The following KCNIP4 variants were observed in gnomAD, a reference collection of about 807,000 sequenced individuals.
KCNIP4 encodes potassium voltage-gated channel interacting protein 4, also known as Kv channel-interacting protein 4.
In KCNIP4, 12 loss-of-function variants were observed where a neutral mutation model predicts 34.0. The ratio of observed to expected loss-of-function variants is 0.35; its 90% CI spans 0.23 to 0.57. The LOEUF is 0.57. Ranked by LOEUF, KCNIP4 falls within the 20% of genes least tolerant of loss-of-function variation. KCNIP4 has a pLI of 0.83. For synonymous variants in KCNIP4, 124 were observed against 102.2 expected (o/e 1.21, Z -1.29); for missense variants, 238 against 311.7 (o/e 0.76, Z 1.78).
chr4:21,852,624 C>A (rs962341022), intron 1 of KCNIP4: 2 of 151,830 alleles, frequency 1.3e-5, no homozygotes, highest in African/African-American at 4.8e-5. Flanking sequence ...GCAGAGAATA[C>A]CAAGTCCTAT....
intron 1 of KCNIP4, among the ~76,000 whole-genome samples, chr4:21,828,861 T>G (rs1722819565): frequency 6.6e-6 from 1 of 151,924 alleles, no homozygotes; most frequent in Admixed American, 6.6e-5. Flanking sequence ...AACAAATATT[T>G]TTAAGGCTGA....
intron 1 of KCNIP4, among the ~76,000 whole-genome samples, chr4:21,089,753 T>A (rs146017052): frequency 6.6e-6 from 1 of 152,264 alleles, no homozygotes; most frequent in East Asian, 1.9e-4. Flanking sequence ...CTTCCTTGTA[T>A]TCTCCTAACT....
chr4:20,966,770 G>A (rs998408168), intron 1 of KCNIP4, among the ~76,000 whole-genome samples: 2 of 152,148 alleles, frequency 1.3e-5, no homozygotes, highest in Non-Finnish European at 2.9e-5. Flanking sequence ...AGTTATGTAT[G>A]AAGAAGTCAC....
chr4:21,648,821 T>C (rs1453840208), intron 1 of KCNIP4, among the ~76,000 whole-genome samples: 1 of 152,134 alleles, frequency 6.6e-6, no homozygotes, highest in East Asian at 1.9e-4. Context: ...CATAATCTAG[T>C]AGAGGCCCCG....
intron 1 of KCNIP4, among the ~76,000 whole-genome samples, chr4:21,512,299 A>C (rs1734407253): frequency 6.6e-6 from 1 of 152,196 alleles, no homozygotes; most frequent in Non-Finnish European, 1.5e-5. Flanking sequence ...TTTTGAACTG[A>C]GTTCATTACC....
chr4:21,682,920 T>C (rs917670199), intron 1 of KCNIP4, among the ~76,000 whole-genome samples: 1 of 152,148 alleles, frequency 6.6e-6, no homozygotes, highest in Non-Finnish European at 1.5e-5. Flanking sequence ...GATATAATGA[T>C]AATGAAAAAC....
At chr4:21,277,940 A>C (rs1269777235) in intron 1 of KCNIP4, among the ~76,000 whole-genome samples, 1 of 152,212 alleles carries the variant, frequency 6.6e-6, no homozygotes, top group African/African-American at 2.4e-5. Flanking sequence ...TTAGATGAAA[A>C]GAATGGCGTT....
intron 1 of KCNIP4, 133 bp downstream of exon 1, chr4:21,948,438 C>G (rs1056283592): frequency 6.1e-6 from 6 of 988,030 alleles, no homozygotes; most frequent in Middle Eastern, 6.6e-4. Context: ...TTCCCAGTCC[C>G]GCCAGGTGAC....
At chr4:21,488,132 T>C (rs1732079843) in intron 1 of KCNIP4, among the ~76,000 whole-genome samples, 1 of 152,202 alleles carries the variant, frequency 6.6e-6, no homozygotes, top group Non-Finnish European at 1.5e-5. Flanking sequence ...CCTATATCTA[T>C]AGATATTTCT....
intron 1 of KCNIP4, among the ~76,000 whole-genome samples, chr4:21,326,576 A>AT (rs975651342): frequency 4.1e-5 from 6 of 147,470 alleles, no homozygotes; most frequent in East Asian, 2.0e-4. Flanking sequence ...TGTTTATTTT[A>AT]TTTTTTTTAA....
At chr4:20,917,523 G>C (rs1728969184) in intron 1 of KCNIP4, among the ~76,000 whole-genome samples, 1 of 152,136 alleles carries the variant, frequency 6.6e-6, no homozygotes, top group East Asian at 1.9e-4. Flanking sequence ...TAGCAAAAGT[G>C]GGTACCTCAT....
chr4:21,839,451 C>G (rs142838329), intron 1 of KCNIP4, among the ~76,000 whole-genome samples: 335 of 152,262 alleles, frequency 2.2e-3, no homozygotes, highest in Non-Finnish European at 2.6e-3. Context: ...CTTCCCCCAT[C>G]TTTCCTAGAA....
At chr4:21,852,279 T>C (rs185411760) in intron 1 of KCNIP4, 7 of 152,260 alleles carry the variant, frequency 4.6e-5, no homozygotes, top group Middle Eastern at 3.4e-3. Flanking sequence ...ATAAGCTTTG[T>C]CCTCATTGAG....
chr4:21,623,144 A>C (rs1254440090), intron 1 of KCNIP4, among the ~76,000 whole-genome samples: 1 of 152,184 alleles, frequency 6.6e-6, no homozygotes, highest in African/African-American at 2.4e-5. Flanking sequence ...TAATATCATA[A>C]ACATTCTGAA....
intron 3 of KCNIP4, among the ~76,000 whole-genome samples, chr4:20,790,100 T>C (rs1281082883): frequency 2.6e-5 from 4 of 152,180 alleles, no homozygotes; most frequent in Non-Finnish European, 4.4e-5. Context: ...TATAAACTTT[T>C]GCTTCTAGAC....
chr4:21,445,309 T>A (rs1386940467), intron 1 of KCNIP4, among the ~76,000 whole-genome samples: 1 of 152,206 alleles, frequency 6.6e-6, no homozygotes, highest in Non-Finnish European at 1.5e-5. Context: ...AGAGCCTGCA[T>A]TGCCAAGTTA....
intron 1 of KCNIP4, among the ~76,000 whole-genome samples, chr4:21,769,835 C>T (rs28445349): frequency 0.15 from 22,578 of 152,006 alleles, 5,639 homozygotes; most frequent in African/African-American, 0.51. Flanking sequence ...CAATAAAAAG[C>T]AAAAATCATA....
chr4:21,620,055 C>A (rs1366071070), intron 1 of KCNIP4, among the ~76,000 whole-genome samples: 1 of 152,128 alleles, frequency 6.6e-6, no homozygotes, highest in East Asian at 1.9e-4. Context: ...GTAATATACA[C>A]CAGAAATTTT....
At chr4:21,215,026 T>A (rs1757459452) in intron 1 of KCNIP4, among the ~76,000 whole-genome samples, 1 of 152,142 alleles carries the variant, frequency 6.6e-6, no homozygotes, top group Non-Finnish European at 1.5e-5. Context: ...GTAGCCCTTA[T>A]CTACTGAATC....
Sources: gnomAD v4.1 joint callset for allele counts (sites outside exome capture counted in the v4.1 genomes callset) on GRCh38, gnomAD v4.1.1 for gene constraint, MANE v1.5 for transcripts, NCBI Gene and HGNC (gene_info 2026-07-23, HGNC 2026-07-21) for gene names.